Variants in MYO7A observed in about 807,000 individuals in gnomAD.
The protein encoded by MYO7A is unconventional myosin-VIIa.
A neutral mutation model predicts 263.8 loss-of-function variants in MYO7A; 210 were observed. The ratio of observed to expected loss-of-function variants is 0.80; its 90% confidence interval spans 0.71 to 0.89. The LOEUF (loss-of-function observed/expected upper bound fraction) is 0.89, where lower values mean the gene tolerates loss of function less well. Among genes scored for constraint, MYO7A ranks in the 40% least tolerant of loss-of-function variants. MYO7A has a pLI of 0.00. For missense variants in MYO7A, 2,820 were observed against 2,968.3 expected (o/e 0.95, Z 1.16); for synonymous variants, 1,239 against 1,197.3 (o/e 1.03, Z -0.72).
chr11:77,191,892 C>T (rs1274566349), intron 30 of MYO7A, among the ~76,000 whole-genome samples, 159 bp from the exon 31 acceptor site: 1 of 152,218 alleles, frequency 6.6e-6, no homozygotes, highest in Admixed American at 6.5e-5. Flanking sequence ...CGGCTTAGAG[C>T]CCAGGGCTAG....
Position 77,192,059 on chromosome 11 carries a change from C to T in MYO7A, c.3933C>T (p.Ser1311=). 6.2e-7 allele frequency: 1 copy of T among 1,613,028 alleles called. No individual in the cohort carries two copies. The highest frequency in any genetic ancestry group is 8.5e-7 in the Non-Finnish European group (1 of 1,179,732). ...LYIALFDKVS[S]LGSGSDHVMD... is the part of the protein sequence containing the mutation. ...CCCCTCTGTGCCCACAGGTGTCCTCCCTGGGCAGCGGCAGTGACCACGTCA... is the reference window on the plus strand; with the variant it reads ...CCCCTCTGTGCCCACAGGTGTCCTCTCTGGGCAGCGGCAGTGACCACGTCA... The change falls in exon 31 of 49, where the codon TCC becomes TCT. Residue 1311 remains serine (S), a synonymous_variant. Coordinates refer to ENST00000409709, the MANE Select transcript of MYO7A (RefSeq NM_000260.4).
chr11:77,206,316 T>C, intron 41 of MYO7A, 114 bp downstream of exon 41: 1 of 767,954 alleles, frequency 1.3e-6, no homozygotes, highest in Non-Finnish European at 2.1e-6. Context: ...TGCCGCCTCG[T>C]CCTCCTGCCC....
intron 14 of MYO7A, 98 bp downstream of exon 14, chr11:77,163,086 T>G: frequency 7.1e-7 from 1 of 1,403,510 alleles, no homozygotes. Context: ...TAAAGATTTT[T>G]AAAAATTGTG....
chr11:77,212,956 C>G lies in MYO7A; in HGVS notation c.6359C>G (p.Thr2120Ser). The G allele has an allele frequency of 1.3e-6, 2 of 1,592,170 alleles. No individual in the cohort carries two copies. Among genetic ancestry groups the G allele is most frequent in the Non-Finnish European group, 8.6e-7 (1 of 1,168,678 alleles). ...CCTTCTCATCTTTTTTTCTAGCAAACTACGGAGCCAAACTTCCCTGAGATC... is the reference window on the plus strand; with the variant it reads ...CCTTCTCATCTTTTTTTCTAGCAAAGTACGGAGCCAAACTTCCCTGAGATC... ...FGSAFFEVKQTTEPNFPEILL... is the reference protein window; with the variant it reads ...FGSAFFEVKQSTEPNFPEILL... Residue 2120 changes from threonine to serine, a missense_variant, in exon 47 of 49, where the codon ACT (threonine) becomes AGT (serine). Physicochemically the swap from Thr to Ser is moderately conservative, Grantham distance 58. Transcript: ENST00000409709.
intron 27 of MYO7A, among the ~76,000 whole-genome samples, chr11:77,185,338 C>T (rs913132081): frequency 5.3e-5 from 8 of 152,190 alleles, no homozygotes; most frequent in African/African-American, 1.4e-4. Context: ...AAATTGGAGT[C>T]GATCCTCTCA....
At chr11:77,154,606 C>T (rs1952268520) in intron 4 of MYO7A, among the ~76,000 whole-genome samples, 1 of 152,104 alleles carries the variant, frequency 6.6e-6, no homozygotes, top group African/African-American at 2.4e-5. Flanking sequence ...GGCCTGGCTG[C>T]TCCCCTCCAG....
rs1957069037 is a variant in MYO7A at position 77,201,602 on chromosome 11, C to T, written c.5007C>T (p.Val1669=). The change falls in exon 36 of 49, where the codon GTC becomes GTT. Residue 1669 remains valine, a synonymous_variant. Coordinates refer to ENST00000409709, the MANE Select transcript of MYO7A (RefSeq NM_000260.4). ...RGDFPTDSVY[V]MPTVTMPPRE... is the part of the protein sequence containing the mutation. ...ACTTCCCCACCGACAGTGTGTACGTCATGCCCACTGTCACCATGCCACCGC... is the reference window on the plus strand; with the variant it reads ...ACTTCCCCACCGACAGTGTGTACGTTATGCCCACTGTCACCATGCCACCGC... 3 of 1,613,824 alleles carry T rather than the reference C, an allele frequency of 1.9e-6. No homozygotes were observed. In the East Asian group the frequency reaches 6.7e-5, roughly 36 times the overall value.
At chr11:77,158,680 A>G (rs1952718557) in intron 9 of MYO7A, among the ~76,000 whole-genome samples, 1 of 152,212 alleles carries the variant, frequency 6.6e-6, no homozygotes, top group Non-Finnish European at 1.5e-5. Flanking sequence ...GGAGTTGTCT[A>G]TGGACACTTT....
chr11:77,212,491 A>C (rs1389892690), intron 46 of MYO7A: 2 of 342,456 alleles, frequency 5.8e-6, no homozygotes, highest in Non-Finnish European at 1.1e-5. Context: ...GGTTTTGAAC[A>C]CAGGTGACGT....
chr11:77,202,236 C>T (rs1336919619), intron 36 of MYO7A, 64 bp from the exon 37 acceptor site: 2 of 1,514,452 alleles, frequency 1.3e-6, no homozygotes, highest in South Asian at 1.3e-5. Flanking sequence ...TCAGGGTATA[C>T]CATGTTGATC....
rs140664109 is a variant in MYO7A at position 77,206,100 on chromosome 11, C to T, written c.5640C>T (p.Asn1880=). Residue 1880 remains asparagine (N), a synonymous_variant, in exon 41 of 49, where the codon AAC becomes AAT. Transcript: ENST00000409709. ...CLQRLQKALR[N]GSRKYPPHLV... ...GCTGCCCCTGCTGCCTTTTCAGAAA[C>T]GGGTCCCGGAAGTACCCTCCGCACC... 213 of 1,610,392 alleles carry T rather than the reference C, an allele frequency of 1.3e-4. No individual in the cohort carries two copies. In the African/African-American group the frequency reaches 1.3e-3, roughly 10 times the overall value.
intron 19 of MYO7A, 90 bp downstream of exon 19, chr11:77,177,733 A>T: frequency 9.3e-7 from 1 of 1,078,640 alleles, no homozygotes; most frequent in Middle Eastern, 2.0e-4. Flanking sequence ...CCGCATGAAC[A>T]CTAGGAAAAA....
chr11:77,170,146 G>A (rs935963792), intron 15 of MYO7A, among the ~76,000 whole-genome samples: 11 of 152,138 alleles, frequency 7.2e-5, no homozygotes, highest in Admixed American at 1.3e-4. Flanking sequence ...GATGTAGTAT[G>A]GGGAAAGATT....
At chr11:77,157,162 C>T (rs73495716) in intron 7 of MYO7A, 117 bp from the exon 8 acceptor site, 30 of 1,348,802 alleles carry the variant, frequency 2.2e-5, no homozygotes, top group South Asian at 1.9e-4. Flanking sequence ...TGAAACCCAC[C>T]GATGGGCTTC....
At chr11:77,182,701 A>C in intron 25 of MYO7A, 101 bp downstream of exon 25, 1 of 1,299,634 alleles carries the variant, frequency 7.7e-7, no homozygotes, top group Admixed American at 2.2e-5. Flanking sequence ...AGGATCCTAT[A>C]ATTCATCTCT....
intron 15 of MYO7A, among the ~76,000 whole-genome samples, chr11:77,169,920 A>G (rs1467099086): frequency 6.6e-6 from 1 of 152,180 alleles, no homozygotes; most frequent in African/African-American, 2.4e-5. Context: ...TACAAAAAAT[A>G]TAAAAATTAG....
At chr11:77,168,189 C>T (rs1953737789) in intron 15 of MYO7A, among the ~76,000 whole-genome samples, 2 of 152,176 alleles carry the variant, frequency 1.3e-5, no homozygotes, top group Non-Finnish European at 2.9e-5. Context: ...TTTCAAAGCT[C>T]CTTGAGGCAT....
intron 12 of MYO7A, among the ~76,000 whole-genome samples, chr11:77,161,738 A>G (rs1953016674): frequency 6.6e-6 from 1 of 152,020 alleles, no homozygotes; most frequent in Non-Finnish European, 1.5e-5. Flanking sequence ...TCCCAAGGCC[A>G]CTTTTGATGT....
chr11:77,165,140 G>A (rs1479980575), intron 14 of MYO7A, among the ~76,000 whole-genome samples: 3 of 152,176 alleles, frequency 2.0e-5, no homozygotes, highest in Non-Finnish European at 4.4e-5. Context: ...CATCCCAACT[G>A]CAAAGCCCAC....
Sources: allele counts gnomAD v4.1 joint callset (sites outside exome capture counted in the v4.1 genomes callset), GRCh38; gene constraint gnomAD v4.1.1; transcripts MANE v1.5; gene names NCBI Gene and HGNC (gene_info 2026-07-23, HGNC 2026-07-21).